Variants in NCAPH observed in about 807,000 individuals in gnomAD.
NCAPH encodes the protein non-SMC condensin I complex subunit H.
A neutral mutation model predicts 85.5 loss-of-function variants in NCAPH; 38 were observed. That is an observed-to-expected ratio of 0.44 (90% CI 0.34 to 0.58). The LOEUF is 0.58. NCAPH is among the 20% of genes least tolerant of loss of function. The pLI is 0.01. For synonymous variants in NCAPH, 301 were observed against 335.1 expected (o/e 0.90, Z 1.11); for missense variants, 789 against 916.6 (o/e 0.86, Z 1.80).
At chr2:96,358,593 G>C (rs798202) in intron 9 of NCAPH, among the ~76,000 whole-genome samples, 144,381 of 151,756 alleles carry the variant, frequency 0.95, 68,745 homozygotes, top group East Asian at 1. Flanking sequence ...CTCAGCCTCC[G>C]GAGTAGCTGG....
At chr2:96,346,576 G>A (rs542865713) in intron 6 of NCAPH, among the ~76,000 whole-genome samples, 1 of 152,244 alleles carries the variant, frequency 6.6e-6, no homozygotes, top group African/African-American at 2.4e-5. Flanking sequence ...CACTGCTTAG[G>A]GAATTTTACC....
intron 13 of NCAPH, 128 bp downstream of exon 13, chr2:96,364,719 T>C: frequency 1.5e-6 from 1 of 679,378 alleles, no homozygotes; most frequent in Non-Finnish European, 2.6e-6. Context: ...GTTTTCTGGG[T>C]AAAGGGTCTG....
At chr2:96,341,302 C>T (rs1317133550) in intron 1 of NCAPH, 14 of 213,790 alleles carry the variant, frequency 6.5e-5, no homozygotes, top group Non-Finnish European at 1.0e-4. Context: ...CTTGTCTTAC[C>T]TGGCATGATG....
rs2064618242 is a variant in NCAPH at position 96,361,776 on chromosome 2, A to ATATG, written c.1587+1069_1587+1070insGTAT. On this transcript the variant is annotated intron_variant, in intron 12 of 17. Transcript: ENST00000240423. ...TATATATATATATATATACATATAT[A>ATATG]TATATACACATATATATGTATATAT... is the stretch of plus-strand genomic sequence containing the variant. Among the ~76,000 whole-genome samples, 5 of 135,176 alleles carry ATATG rather than the reference A, an allele frequency of 3.7e-5. No individual in the cohort carries two copies. The South Asian group carries it at 9.4e-4, about 26-fold the overall frequency. 88.7% of individuals were successfully genotyped at this position (135,176 alleles called of 152,430 possible).
chr2:96,340,913 C>T (rs1243085475), intron 1 of NCAPH, among the ~76,000 whole-genome samples: 1 of 150,198 alleles, frequency 6.7e-6, no homozygotes, highest in Non-Finnish European at 1.5e-5. Context: ...CCTTGTATTT[C>T]TTATAAACCA....
At chr2:96,369,623 C>T (rs2064746084) in intron 17 of NCAPH, 123 bp downstream of exon 17, 1 of 952,332 alleles carries the variant, frequency 1.1e-6, no homozygotes, top group Non-Finnish European at 1.6e-6. Context: ...ACTTATGTAG[C>T]ACCTTCAACC....
Position 96,373,368 on chromosome 2 carries a change from TCAG to T in NCAPH, c.*24_*26del, listed in dbSNP as rs765629425. On this transcript the variant is annotated 3_prime_UTR_variant, in exon 18 of 18. Transcript: ENST00000240423. ...GGAGATTGAGTTCACTATGGAGAAG[TCAG>T]CAGCAGGAGGCCCATCCCTTACTCA... The T allele has an allele frequency of 1.9e-6, 3 of 1,611,524 alleles. No individual in the cohort carries two copies. The South Asian group carries it at 3.3e-5, about 18-fold the overall frequency.
intron 11 of NCAPH, 106 bp downstream of exon 11, chr2:96,360,355 A>G (rs1261165657): frequency 2.4e-6 from 2 of 831,726 alleles, no homozygotes; most frequent in Non-Finnish European, 1.9e-6. Context: ...AGATGGTTTC[A>G]TTCTTCCTTG....
rs570010756 is a variant in NCAPH, at chr2:96,375,182, A to T, written c.*1831A>T. Among the ~76,000 whole-genome samples, 12 of 152,088 alleles carry T rather than the reference A, an allele frequency of 7.9e-5. No individual in the cohort carries two copies. The highest frequency in any genetic ancestry group is 2.4e-4 in the African/African-American group (10 of 41,442). The stretch of plus-strand genomic sequence containing the variant: ...GTGATCACACTACTGCATTCCAGCC[A>T]GGACAACAGAGTGAGATCCTATCTC... On this transcript the variant is annotated 3_prime_UTR_variant, in exon 18 of 18. Coordinates refer to ENST00000240423, the MANE Select transcript of NCAPH (RefSeq NM_015341.5).
At chr2:96,338,841 C>T (rs1305953413) in intron 1 of NCAPH, among the ~76,000 whole-genome samples, 2 of 152,180 alleles carry the variant, frequency 1.3e-5, no homozygotes, top group Non-Finnish European at 2.9e-5. Context: ...GACGGAGTCT[C>T]ACTTTGTCAC....
intron 6 of NCAPH, 35 bp from the exon 7 acceptor site, chr2:96,351,796 C>G (rs369106605): frequency 6.5e-7 from 1 of 1,540,268 alleles, no homozygotes; most frequent in Non-Finnish European, 8.8e-7. Context: ...GGCTACATGC[C>G]GTAAATCTTC....
chr2:96,342,404 C>T (rs1179785522), intron 3 of NCAPH, among the ~76,000 whole-genome samples: 1 of 152,196 alleles, frequency 6.6e-6, no homozygotes, highest in African/African-American at 2.4e-5. Context: ...AGGCTACATG[C>T]TTCTAAGCTG....
At chr2:96,336,214 T>G (rs2064212488) in intron 1 of NCAPH, among the ~76,000 whole-genome samples, 1 of 152,214 alleles carries the variant, frequency 6.6e-6, no homozygotes, top group Non-Finnish European at 1.5e-5. Flanking sequence ...TTTTCAGGGC[T>G]TTGGAAGCGA....
At chr2:96,346,240 A>T (rs557125755) in intron 6 of NCAPH, among the ~76,000 whole-genome samples, 1 of 152,146 alleles carries the variant, frequency 6.6e-6, no homozygotes, top group Non-Finnish European at 1.5e-5. Flanking sequence ...TACAGTGAGG[A>T]TAGGGAAGGA....
chr2:96,361,808 A>ATATATATGTG lies in NCAPH; in HGVS notation c.1587+1105_1587+1106insGTGTATATAT, dbSNP rs1558800286. ...CACATATATATGTATATATATGTGT[A>ATATATATGTG]TATATATATATATATATATATTTTT... On this transcript the variant is annotated intron_variant, in intron 12 of 17. Coordinates refer to ENST00000240423, the MANE Select transcript of NCAPH (RefSeq NM_015341.5). 1.2e-3 allele frequency among the ~76,000 whole-genome samples: 90 copies of ATATATATGTG among 75,126 alleles called. 3 individuals carry two copies. The East Asian group carries it at 0.037, about 31-fold the overall frequency. 49.3% of individuals were successfully genotyped at this position (75,126 alleles called of 152,430 possible).
chr2:96,367,105 C>T, intron 14 of NCAPH, 152 bp from the exon 15 acceptor site: 1 of 530,842 alleles, frequency 1.9e-6, no homozygotes, highest in Non-Finnish European at 3.5e-6. Flanking sequence ...TCAAAACAAA[C>T]AAACAAACAA....
intron 12 of NCAPH, among the ~76,000 whole-genome samples, chr2:96,361,773 T>TAC (rs2064617312): frequency 7.1e-6 from 1 of 140,166 alleles, no homozygotes; most frequent in African/African-American, 2.6e-5. Context: ...TATATACATA[T>TAC]ATATATATAC....
intron 9 of NCAPH, among the ~76,000 whole-genome samples, chr2:96,355,607 C>G (rs1022314869): frequency 6.6e-6 from 1 of 151,888 alleles, no homozygotes; most frequent in Admixed American, 6.6e-5. Context: ...CAATTTTGCC[C>G]CATTCTCATC....
intron 12 of NCAPH, among the ~76,000 whole-genome samples, chr2:96,361,166 A>T (rs1442556167): frequency 3.4e-5 from 5 of 147,642 alleles, no homozygotes; most frequent in African/African-American, 1.3e-4. Context: ...CTCCTGCCTC[A>T]GCCTCCCAAG....
Sources: allele counts gnomAD v4.1 joint callset (sites outside exome capture counted in the v4.1 genomes callset), GRCh38; gene constraint gnomAD v4.1.1; transcripts MANE v1.5; gene names NCBI Gene and HGNC (gene_info 2026-07-23, HGNC 2026-07-21).